Variants in ICA1L observed in about 807,000 individuals in gnomAD.
ICA1L encodes the protein islet cell autoantigen 1 like.
A neutral mutation model predicts 61.3 loss-of-function variants in ICA1L; 50 were observed. That is an observed-to-expected ratio of 0.82 (90% CI 0.65 to 1.03). The LOEUF (loss-of-function observed/expected upper bound fraction) is 1.03. Among genes scored for constraint, ICA1L ranks in the 50% least tolerant of loss-of-function variants. ICA1L has a pLI of 0.00. For missense variants in ICA1L, 508 were observed against 556.7 expected, an observed-to-expected ratio of 0.91 and a Z score of 0.88; for synonymous variants, 161 against 191.3, an observed-to-expected ratio of 0.84 and a Z score of 1.31.
At position 202,783,187 on chromosome 2, in the gene ICA1L, G is replaced by GT. The variant is rs1181434351; in HGVS notation, c.1333+2730dup. 3.9e-5 allele frequency among the ~76,000 whole-genome samples: 6 copies of GT among 152,208 alleles called. 1 individual carries two copies. Among genetic ancestry groups the GT allele is most frequent in the African/African-American group, 7.2e-5 (3 of 41,458 alleles). On this transcript the variant is annotated intron_variant, in intron 12 of 12. Coordinates refer to ENST00000358299, the MANE Select transcript of ICA1L (RefSeq NM_001288622.3). ...AAATCACCGTTTGGCAACAACTACA[G>GT]TAATAAATATTTCATGGAAGAATTA...
rs201107946 is a variant in ICA1L, at chr2:202,828,419, ACT to A, written c.162+427_162+428del. On this transcript the variant is annotated intron_variant, in intron 2 of 12. Transcript: ENST00000358299. Reference sequence around the variant, plus strand: ...AAAGGCATTAGGAAATATTTCAATAACTCTATCTTTTAATAAAATAGAAACAA... The same window carrying A: ...AAAGGCATTAGGAAATATTTCAATAACTATCTTTTAATAAAATAGAAACAA... Among the ~76,000 whole-genome samples the A allele has an allele frequency of 3.0e-3, 462 of 152,274 alleles. 1 individual carries two copies. Among genetic ancestry groups the A allele is most frequent in the African/African-American group, 0.011 (446 of 41,556 alleles).
chr2:202,864,371 G>A (rs1687409393), intron 1 of ICA1L, among the ~76,000 whole-genome samples: 1 of 151,958 alleles, frequency 6.6e-6, no homozygotes, highest in Non-Finnish European at 1.5e-5. Flanking sequence ...AGCCTCCCCA[G>A]TAGCTGAGAC....
intron 12 of ICA1L, among the ~76,000 whole-genome samples, chr2:202,783,688 G>A (rs532473240): frequency 6.6e-6 from 1 of 152,272 alleles, no homozygotes; most frequent in South Asian, 2.1e-4. Flanking sequence ...ATGAAGTTGA[G>A]ACATTAGTGG....
At chr2:202,852,243 C>T (rs1407983232) in intron 1 of ICA1L, among the ~76,000 whole-genome samples, 1 of 152,054 alleles carries the variant, frequency 6.6e-6, no homozygotes, top group African/African-American at 2.4e-5. Context: ...GCATGATTTA[C>T]AATCCTTTGG....
At position 202,774,356 on chromosome 2, in the gene ICA1L, C is replaced by T; in HGVS notation, c.*5177G>A. ...TGAGGCGAGCCTGCCGCGCGCTCCG[C>T]TCAGCGTGGTCTGGCAGCCGGAGAC... is the stretch of plus-strand genomic sequence containing the variant. On this transcript the variant is annotated 3_prime_UTR_variant, in exon 13 of 13. Coordinates refer to ENST00000358299, the MANE Select transcript of ICA1L (RefSeq NM_001288622.3). 1 of 1,348,510 alleles carries T rather than the reference C, an allele frequency of 7.4e-7. No individual in the cohort carries two copies. The highest frequency in any genetic ancestry group is 3.2e-5 in the East Asian group (1 of 30,896). 83.5% of individuals were successfully genotyped at this position (1,348,510 alleles called of 1,614,324 possible). A position where few individuals can be genotyped will look rare whatever the true frequency, so the allele number is the denominator to read the frequency against.
At chr2:202,850,132 T>C (rs1046803846) in intron 1 of ICA1L, among the ~76,000 whole-genome samples, 1 of 151,590 alleles carries the variant, frequency 6.6e-6, no homozygotes, top group Non-Finnish European at 1.5e-5. Flanking sequence ...AAAAACCCCA[T>C]CCAAAGGTCA....
chr2:202,793,643 C>A (rs1427311541), intron 10 of ICA1L, among the ~76,000 whole-genome samples: 1 of 149,724 alleles, frequency 6.7e-6, no homozygotes, highest in Non-Finnish European at 1.5e-5. Context: ...CACACCACTG[C>A]ACTCCAGCCT....
rs755027463 is a variant in ICA1L at position 202,817,523 on chromosome 2, A to G, written c.579T>C (p.Asn193=). 8 of 1,608,708 alleles carry G rather than the reference A, an allele frequency of 5.0e-6. No individual in the cohort carries two copies. Among genetic ancestry groups the G allele is most frequent in the South Asian group, 4.4e-5 (4 of 90,386 alleles). ...KFRKVQMQVR[N]SKASFDKLKM... ...TTAACTTGTCAAAAGAAGCTTTGCT[A>G]TTTCTCACTTGCATCTGTACCTGCA... The change falls in exon 6 of 13, where the codon AAT becomes AAC. Residue 193 remains asparagine (N), a synonymous_variant. Coordinates refer to ENST00000358299, the MANE Select transcript of ICA1L (RefSeq NM_001288622.3).
intron 6 of ICA1L, among the ~76,000 whole-genome samples, chr2:202,816,700 C>T (rs1693545690): frequency 6.6e-6 from 1 of 152,224 alleles, no homozygotes; most frequent in Admixed American, 6.5e-5. Flanking sequence ...AATAGGCAGA[C>T]TCCCTAAAAG....
chr2:202,797,769 G>C (rs774759471), intron 9 of ICA1L, among the ~76,000 whole-genome samples: 3 of 152,182 alleles, frequency 2.0e-5, no homozygotes, highest in Non-Finnish European at 2.9e-5. Flanking sequence ...TGATCCTCCT[G>C]CCTCGGCCTC....
chr2:202,819,679 G>T, intron 5 of ICA1L, 22 bp downstream of exon 5: 4 of 1,563,696 alleles, frequency 2.6e-6, no homozygotes, highest in Non-Finnish European at 3.5e-6. Context: ...ACCAAGAAAA[G>T]GAAAGGGATA....
At position 202,776,962 on chromosome 2, in the gene ICA1L, A is replaced by T. The variant is rs940784945; in HGVS notation, c.*2571T>A. On this transcript the variant is annotated 3_prime_UTR_variant, in exon 13 of 13. Coordinates refer to ENST00000358299, the MANE Select transcript of ICA1L (RefSeq NM_001288622.3). ...GGACTTCCTTGCACACATGTGAGGG[A>T]GATAAATATCTCAGAACTAATGCAT... The T allele has an allele frequency of 6.6e-6, 1 of 150,956 alleles. No individual in the cohort carries two copies. Among genetic ancestry groups the T allele is most frequent in the African/African-American group, 2.4e-5 (1 of 41,072 alleles). The allele number at this position is 150,956 out of a possible 1,614,324, so 9.4% of individuals were successfully genotyped here.
chr2:202,804,997 A>G (rs539746999), intron 9 of ICA1L, among the ~76,000 whole-genome samples: 1 of 152,346 alleles, frequency 6.6e-6, no homozygotes, highest in African/African-American at 2.4e-5. Flanking sequence ...ATATATCAAA[A>G]TGTATGGACC....
chr2:202,790,841 TCAGA>T (rs1692725380), intron 10 of ICA1L, among the ~76,000 whole-genome samples: 1 of 152,144 alleles, frequency 6.6e-6, no homozygotes, highest in African/African-American at 2.4e-5. Context: ...AGGATGACAC[TCAGA>T]AAGAAGTATG....
At chr2:202,864,322 C>T (rs886294543) in intron 1 of ICA1L, among the ~76,000 whole-genome samples, 7 of 151,986 alleles carry the variant, frequency 4.6e-5, no homozygotes, top group African/African-American at 1.5e-4. Flanking sequence ...CGGCTCACTG[C>T]AAGCTCCGCC....
At chr2:202,795,227 G>A (rs1429769219) in intron 10 of ICA1L, among the ~76,000 whole-genome samples, 3 of 151,988 alleles carry the variant, frequency 2.0e-5, no homozygotes, top group African/African-American at 7.2e-5. Flanking sequence ...CCGACCTCAG[G>A]TGATCTGCCC....
chr2:202,791,856 A>G (rs1441828675), intron 10 of ICA1L, among the ~76,000 whole-genome samples: 1 of 151,438 alleles, frequency 6.6e-6, no homozygotes, highest in African/African-American at 2.4e-5. Flanking sequence ...CAAAAAAACA[A>G]AAGCACTAGA....
intron 10 of ICA1L, among the ~76,000 whole-genome samples, chr2:202,795,400 A>C (rs1175319359): frequency 2.0e-5 from 3 of 152,186 alleles, no homozygotes; most frequent in Non-Finnish European, 2.9e-5. Flanking sequence ...ATTCAAGACC[A>C]GCCTGAACAA....
At chr2:202,781,443 G>A (rs543800240) in intron 12 of ICA1L, among the ~76,000 whole-genome samples, 7 of 151,678 alleles carry the variant, frequency 4.6e-5, no homozygotes, top group South Asian at 2.1e-4. Context: ...GCGTGGTGGC[G>A]CACACCTGTA....
Sources: gnomAD v4.1 joint callset for allele counts (sites outside exome capture counted in the v4.1 genomes callset) on GRCh38, gnomAD v4.1.1 for gene constraint, MANE v1.5 for transcripts, NCBI Gene and HGNC (gene_info 2026-07-23, HGNC 2026-07-21) for gene names.